Variants in DCDC2 observed in about 807,000 individuals in gnomAD.
The protein encoded by DCDC2 is doublecortin domain-containing protein 2.
DCDC2 carries 40 observed loss-of-function variants against 50.2 expected under a neutral mutation model. The ratio of observed to expected loss-of-function variants is 0.80; its 90% CI spans 0.62 to 1.04. The LOEUF (loss-of-function observed/expected upper bound fraction) is 1.04, where lower values mean the gene tolerates loss of function less well. Ranked by LOEUF, DCDC2 falls within the 50% of genes least tolerant of loss-of-function variation. DCDC2 has a pLI of 0.00. For missense variants in DCDC2, 570 were observed against 581.9 expected, an observed-to-expected ratio of 0.98 and a Z score of 0.21; for synonymous variants, 234 against 210.6, an observed-to-expected ratio of 1.11 and a Z score of -0.96.
At position 24,265,634 on chromosome 6, in the gene DCDC2, A is replaced by G. The variant is rs531838960; in HGVS notation, c.922+12415T>C. 7.8e-4 allele frequency among the ~76,000 whole-genome samples: 119 copies of G among 152,300 alleles called. No individual in the cohort carries two copies. The South Asian group carries it at 0.024, about 30-fold the overall frequency. ...CTCTGGAAACTGTACAAGTACATGG[A>G]AACTAAATAATATGCTCCTAAATGA... is the stretch of plus-strand genomic sequence containing the variant. On this transcript the variant is annotated intron_variant, in intron 7 of 9. Coordinates refer to ENST00000378454, the MANE Select transcript of DCDC2 (RefSeq NM_016356.5).
At position 24,357,808 on chromosome 6, in the gene DCDC2, TC is replaced by T. The variant is rs781394421; in HGVS notation, c.-59del. On this transcript the variant is annotated 5_prime_UTR_variant, in exon 1 of 10. Transcript: ENST00000378454. Reference sequence around the variant, plus strand: ...TTCGCGTCGGGAGGCACCTCCGCTGTCCCAGCGGCCTCACCGCACCCAGGGC... The same window carrying T: ...TTCGCGTCGGGAGGCACCTCCGCTGTCCAGCGGCCTCACCGCACCCAGGGC... 6.2e-7 allele frequency: 1 copy of T among 1,608,966 alleles called. No homozygotes were observed. The highest frequency in any genetic ancestry group is 1.1e-5 in the South Asian group (1 of 90,796).
chr6:24,255,402 G>A (rs1299138768), intron 7 of DCDC2, among the ~76,000 whole-genome samples: 5 of 146,876 alleles, frequency 3.4e-5, no homozygotes, highest in Non-Finnish European at 6.0e-5. Context: ...GCTTCCAGAA[G>A]AAAACATAGG....
chr6:24,303,077 C>T (rs985012948), intron 2 of DCDC2, among the ~76,000 whole-genome samples: 4 of 151,734 alleles, frequency 2.6e-5, no homozygotes, highest in Non-Finnish European at 5.9e-5. Context: ...ATTTTGTCCC[C>T]GGCTGTCTCT....
intron 4 of DCDC2, 49 bp downstream of exon 4, chr6:24,301,666 T>A (rs1488852495): frequency 6.2e-7 from 1 of 1,604,576 alleles, no homozygotes; most frequent in African/African-American, 1.3e-5. Context: ...CCTGAGAATA[T>A]CTTCAACAAT....
At chr6:24,382,936 A>ACC in the DCDC2 span, among the ~76,000 whole-genome samples, 20 of 152,288 alleles carry the variant, frequency 1.3e-4, no homozygotes, top group African/African-American at 4.8e-4. Flanking sequence ...TACTGAGGTC[A>ACC]AACAGTACTA....
intron 9 of DCDC2, among the ~76,000 whole-genome samples, chr6:24,176,731 C>T (rs1011812636): frequency 1.3e-5 from 2 of 152,150 alleles, no homozygotes; most frequent in Non-Finnish European, 2.9e-5. Context: ...CCTCCTTTCT[C>T]GCAGAAATTT....
chr6:24,341,947 T>TACACACAC (rs10540083), intron 2 of DCDC2, among the ~76,000 whole-genome samples: 15,269 of 151,670 alleles, frequency 0.1, 835 homozygotes, highest in African/African-American at 0.15. Flanking sequence ...TGTGCACGCG[T>TACACACAC]ACACACACAC....
chr6:24,370,284 A>G, the DCDC2 span, among the ~76,000 whole-genome samples: 1 of 152,208 alleles, frequency 6.6e-6, no homozygotes, highest in African/African-American at 2.4e-5. Flanking sequence ...GAACCCTCAT[A>G]CATTACTGGT....
rs773000579 is a variant in DCDC2, at chr6:24,185,724, CACATAT to C, written c.1024-7098_1024-7093del. ...ACACACACACACACACACACACACA[CACATAT>C]ACACACAGATAAAATCTATACCATG... On this transcript the variant is annotated intron_variant, in intron 8 of 9. Transcript: ENST00000378454. Among the ~76,000 whole-genome samples, 5 of 140,026 alleles carry C rather than the reference CACATAT, an allele frequency of 3.6e-5. 1 individual carries two copies. In the East Asian group the frequency reaches 9.9e-4, roughly 28 times the overall value. The allele number at this position is 140,026 out of a possible 152,430, so 91.9% of individuals were successfully genotyped here.
intron 8 of DCDC2, among the ~76,000 whole-genome samples, chr6:24,179,609 T>C (rs1309859810): frequency 7.6e-6 from 1 of 131,052 alleles, no homozygotes. Context: ...TAAACCTTAA[T>C]CAAGCATTTC....
chr6:24,209,400 C>T (rs1271333946), intron 7 of DCDC2, among the ~76,000 whole-genome samples: 3 of 152,160 alleles, frequency 2.0e-5, no homozygotes, highest in Non-Finnish European at 2.9e-5. Context: ...TATTCTACCA[C>T]GACTCATGAA....
chr6:24,358,936 T>TTTATATA (rs1208615202), upstream of DCDC2, among the ~76,000 whole-genome samples: 1,425 of 16,926 alleles, frequency 0.084, 60 homozygotes, highest in Non-Finnish European at 0.11. Context: ...TATTATATAT[T>TTTATATA]TTATATATTA....
rs184360457 is a variant in DCDC2, at chr6:24,265,563, A to G, written c.922+12486T>C. ...AAAAAAAATTGAAAACATATCAAGT[A>G]TCTTCTCTGACACAATGAAATAAAA... On this transcript the variant is annotated intron_variant, in intron 7 of 9. Coordinates refer to ENST00000378454, the MANE Select transcript of DCDC2 (RefSeq NM_016356.5). Among the ~76,000 whole-genome samples, 50 of 152,228 alleles carry G rather than the reference A, an allele frequency of 3.3e-4. 1 individual carries two copies. The East Asian group carries it at 6.4e-3, about 19-fold the overall frequency.
At chr6:24,196,491 G>A (rs1761444048) in intron 8 of DCDC2, among the ~76,000 whole-genome samples, 1 of 152,130 alleles carries the variant, frequency 6.6e-6, no homozygotes. Context: ...CATGATCTCT[G>A]CTCACTGCAA....
At chr6:24,230,848 C>T (rs1439626855) in intron 7 of DCDC2, among the ~76,000 whole-genome samples, 1 of 152,188 alleles carries the variant, frequency 6.6e-6, no homozygotes, top group Non-Finnish European at 1.5e-5. Flanking sequence ...AAAGTACTAG[C>T]TCCTTATCCT....
In DCDC2 at chr6:24,357,989, A is replaced by C. The variant is rs1231224262; in HGVS notation, c.-239T>G. ...GTTTTTCACCGTGGCGTGCACAGCC[A>C]ATCAGGACCCGCAGTGCGCGCACCA... is the stretch of plus-strand genomic sequence containing the variant. On this transcript the variant is annotated 5_prime_UTR_variant, in exon 1 of 10. The change creates a new upstream start codon in the 5' untranslated region. Transcript: ENST00000378454. 12 of 1,418,120 alleles carry C rather than the reference A, an allele frequency of 8.5e-6. No homozygotes were observed. The highest frequency in any genetic ancestry group is 1.0e-5 in the Non-Finnish European group (11 of 1,066,628). The allele number at this position is 1,418,120 out of a possible 1,614,324, so 87.8% of individuals were successfully genotyped here.
At chr6:24,311,735 C>T (rs1030970219) in intron 2 of DCDC2, among the ~76,000 whole-genome samples, 14 of 152,224 alleles carry the variant, frequency 9.2e-5, no homozygotes, top group Non-Finnish European at 1.6e-4. Context: ...GAAGCAGTCA[C>T]ATGAATCCAC....
chr6:24,332,381 C>G (rs943338377), intron 2 of DCDC2, among the ~76,000 whole-genome samples: 1 of 152,118 alleles, frequency 6.6e-6, no homozygotes, highest in African/African-American at 2.4e-5. Context: ...GAAGGAAAAT[C>G]TAGCCCACAA....
In DCDC2 at chr6:24,278,037, T is replaced by C. The variant is rs1030038455; in HGVS notation, c.922+12A>G. The C allele has an allele frequency of 1.9e-6, 3 of 1,595,142 alleles. No individual in the cohort carries two copies. The highest frequency in any genetic ancestry group is 1.7e-6 in the Non-Finnish European group (2 of 1,166,394). ...TTGTATCACAGCCTTAAGATAATAATAACACACTTACCACTATTTGGAATG... is the reference window on the plus strand; with the variant it reads ...TTGTATCACAGCCTTAAGATAATAACAACACACTTACCACTATTTGGAATG... On this transcript the variant is annotated intron_variant, in intron 7 of 9. Transcript: ENST00000378454.
Sources: allele counts gnomAD v4.1 joint callset (sites outside exome capture counted in the v4.1 genomes callset), GRCh38; gene constraint gnomAD v4.1.1; transcripts MANE v1.5; gene names NCBI Gene and HGNC (gene_info 2026-07-23, HGNC 2026-07-21).